Variants in KPNA1 observed in about 807,000 individuals in gnomAD.
KPNA1 encodes the protein karyopherin subunit alpha 1.
Under a neutral mutation model 70.5 loss-of-function variants are expected in KPNA1, and 10 were observed. The observed-to-expected ratio is 0.14, with a 90% CI of 0.09 to 0.24. KPNA1 has a LOEUF of 0.24. KPNA1 is among the 10% of genes least tolerant of loss of function. The pLI is 1.00. For missense variants in KPNA1, 397 were observed against 637.9 expected, an observed-to-expected ratio of 0.62 and a Z score of 4.07; for synonymous variants, 192 against 221.9, an observed-to-expected ratio of 0.87 and a Z score of 1.20.
At chr3:122,503,428 C>T (rs2076853398) in intron 1 of KPNA1, among the ~76,000 whole-genome samples, 1 of 152,114 alleles carries the variant, frequency 6.6e-6, no homozygotes, top group South Asian at 2.1e-4. Flanking sequence ...AAATGTTACG[C>T]AAAAATTAAA....
At chr3:122,477,089 G>A (rs1013854926) in intron 2 of KPNA1, among the ~76,000 whole-genome samples, 4 of 152,022 alleles carry the variant, frequency 2.6e-5, no homozygotes, top group African/African-American at 7.2e-5. Flanking sequence ...ACAGACCGAC[G>A]TTCTTAAAAA....
chr3:122,499,338 T>C (rs1161570931), intron 1 of KPNA1, among the ~76,000 whole-genome samples: 1 of 152,258 alleles, frequency 6.6e-6, no homozygotes, highest in Non-Finnish European at 1.5e-5. Context: ...GGCACTTTTA[T>C]CGGGCTGAGA....
At position 122,422,394 on chromosome 3, in the gene KPNA1, G is replaced by C. The variant is rs1342523016; in HGVS notation, c.*4591C>G. 1 of 146,138 alleles carries C rather than the reference G, an allele frequency of 6.8e-6. No homozygotes were observed. Among genetic ancestry groups the C allele is most frequent in the Non-Finnish European group, 1.5e-5 (1 of 66,768 alleles). The allele number at this position is 146,138 out of a possible 1,614,324, so 9.1% of individuals were successfully genotyped here. A position where few individuals can be genotyped will look rare whatever the true frequency, so the allele number is the denominator to read the frequency against. On this transcript the variant is annotated 3_prime_UTR_variant, in exon 14 of 14. Transcript: ENST00000344337. ...ATTACCATACTTGTCTGGTCATACA[G>C]AATTTTAGCACCACAGAAGAGGAAA...
intron 2 of KPNA1, among the ~76,000 whole-genome samples, chr3:122,493,585 C>T (rs914374491): frequency 2.0e-5 from 3 of 151,994 alleles, no homozygotes; most frequent in Admixed American, 6.6e-5. Flanking sequence ...AACAAGGGCA[C>T]GGTTTGAAAA....
intron 2 of KPNA1, among the ~76,000 whole-genome samples, chr3:122,493,774 G>T (rs898656687): frequency 6.6e-6 from 1 of 152,060 alleles, no homozygotes; most frequent in Admixed American, 6.5e-5. Flanking sequence ...TAGTAGAGAC[G>T]GGATTTCACC....
At position 122,422,070 on chromosome 3, in the gene KPNA1, C is replaced by CT. The variant is rs1172828820; in HGVS notation, c.*4914dup. Reference sequence around the variant, plus strand: ...CATTCCAAATCTAAGTGTCAGAACACTTTGAAGCAGGATGTAGAGTGGTCA... The same window carrying CT: ...CATTCCAAATCTAAGTGTCAGAACACTTTTGAAGCAGGATGTAGAGTGGTCA... On this transcript the variant is annotated 3_prime_UTR_variant, in exon 14 of 14. Transcript: ENST00000344337. 6.6e-6 allele frequency: 1 copy of CT among 152,188 alleles called. No homozygotes were observed. The highest frequency in any genetic ancestry group is 2.4e-5 in the African/African-American group (1 of 41,426). 9.4% of individuals were successfully genotyped at this position (152,188 alleles called of 1,614,324 possible). A position where few individuals can be genotyped will look rare whatever the true frequency, so the allele number is the denominator to read the frequency against.
At chr3:122,471,150 C>T (rs962132278) in intron 2 of KPNA1, among the ~76,000 whole-genome samples, 3 of 152,126 alleles carry the variant, frequency 2.0e-5, no homozygotes, top group African/African-American at 7.2e-5. Flanking sequence ...CAGGTTCTGA[C>T]ATAGAAGCTG....
chr3:122,479,624 GT>G (rs1390583159), intron 2 of KPNA1, among the ~76,000 whole-genome samples: 1 of 152,080 alleles, frequency 6.6e-6, no homozygotes, highest in Non-Finnish European at 1.5e-5. Flanking sequence ...GCCGGGAGTG[GT>G]GGTAGGCGCC....
intron 2 of KPNA1, among the ~76,000 whole-genome samples, chr3:122,490,408 T>C (rs2076684764): frequency 6.6e-6 from 1 of 152,256 alleles, no homozygotes; most frequent in Admixed American, 6.5e-5. Context: ...ACTGCTGTTT[T>C]CATGTATTTT....
rs2075771722 is a variant in KPNA1, at chr3:122,422,185, T to C, written c.*4800A>G. 1 of 152,198 alleles carries C rather than the reference T, an allele frequency of 6.6e-6. No individual in the cohort carries two copies. Among genetic ancestry groups the C allele is most frequent in the Non-Finnish European group, 1.5e-5 (1 of 68,014 alleles). 9.4% of individuals were successfully genotyped at this position (152,198 alleles called of 1,614,324 possible). ...GACATTCCTTGGGATGATATTCCTTTAGGAAGAAGTAGACTGTGTTAAATT... is the reference window on the plus strand; with the variant it reads ...GACATTCCTTGGGATGATATTCCTTCAGGAAGAAGTAGACTGTGTTAAATT... On this transcript the variant is annotated 3_prime_UTR_variant, in exon 14 of 14. Coordinates refer to ENST00000344337, the MANE Select transcript of KPNA1 (RefSeq NM_002264.4).
At chr3:122,448,523 C>A (rs2076165380) in intron 9 of KPNA1, among the ~76,000 whole-genome samples, 1 of 152,064 alleles carries the variant, frequency 6.6e-6, no homozygotes, top group Non-Finnish European at 1.5e-5. Flanking sequence ...TGTTCTCACT[C>A]ACAGGTGGGA....
intron 12 of KPNA1, chr3:122,432,533 CTA>C (rs1335722734): frequency 1.3e-5 from 2 of 152,278 alleles, no homozygotes; most frequent in Non-Finnish European, 2.9e-5. Flanking sequence ...TAAGTAGTAG[CTA>C]TGTTTGTCTG....
chr3:122,456,377 A>G (rs567742555), intron 5 of KPNA1, among the ~76,000 whole-genome samples: 10 of 152,350 alleles, frequency 6.6e-5, no homozygotes, highest in East Asian at 5.8e-4. Context: ...TGGAAAAAAA[A>G]TAAGATCAGA....
At position 122,424,349 on chromosome 3, in the gene KPNA1, C is replaced by A. The variant is rs2075794209; in HGVS notation, c.*2636G>T. On this transcript the variant is annotated 3_prime_UTR_variant, in exon 14 of 14. Coordinates refer to ENST00000344337, the MANE Select transcript of KPNA1 (RefSeq NM_002264.4). ...GGCAAAGAACTAAAAACAGGATATA[C>A]AGTTACCCCTTAAAATGTCATTTCT... is the stretch of plus-strand genomic sequence containing the variant. 6.6e-6 allele frequency: 1 copy of A among 152,104 alleles called. No homozygotes were observed. Among genetic ancestry groups the A allele is most frequent in the African/African-American group, 2.4e-5 (1 of 41,410 alleles). The allele number at this position is 152,104 out of a possible 1,614,324, so 9.4% of individuals were successfully genotyped here.
intron 2 of KPNA1, among the ~76,000 whole-genome samples, chr3:122,485,228 A>G (rs2076616305): frequency 6.6e-6 from 1 of 152,118 alleles, no homozygotes; most frequent in African/African-American, 2.4e-5. Context: ...ACAATTTTGA[A>G]AAAGAAAAAG....
At chr3:122,475,144 T>C (rs1431312504) in intron 2 of KPNA1, among the ~76,000 whole-genome samples, 1 of 152,118 alleles carries the variant, frequency 6.6e-6, no homozygotes, top group Non-Finnish European at 1.5e-5. Context: ...AAATAATACA[T>C]GGATTCAGGA....
At chr3:122,494,728 T>C (rs753759429) in intron 2 of KPNA1, among the ~76,000 whole-genome samples, 1 of 152,094 alleles carries the variant, frequency 6.6e-6, no homozygotes, top group Non-Finnish European at 1.5e-5. Context: ...CGGTAGTATA[T>C]AAATTTTATA....
At chr3:122,447,095 A>G (rs1422056034) in intron 9 of KPNA1, among the ~76,000 whole-genome samples, 11 of 152,356 alleles carry the variant, frequency 7.2e-5, no homozygotes, top group Admixed American at 6.5e-4. Context: ...AGAGGTACAA[A>G]GAGGAGCTGG....
chr3:122,463,099 C>T (rs1295680297), intron 4 of KPNA1, among the ~76,000 whole-genome samples: 2 of 152,100 alleles, frequency 1.3e-5, no homozygotes, highest in African/African-American at 4.8e-5. Context: ...CGCCTGTAAT[C>T]CCAGCACTTT....
Sources: gnomAD v4.1 joint callset for allele counts (sites outside exome capture counted in the v4.1 genomes callset) on GRCh38, gnomAD v4.1.1 for gene constraint, MANE v1.5 for transcripts, NCBI Gene and HGNC (gene_info 2026-07-23, HGNC 2026-07-21) for gene names.